SLF2: variants seen among roughly 807,000 people sequenced by gnomAD.
SLF2 encodes SMC5-SMC6 complex localization factor protein 2.
Under a neutral mutation model 124.3 loss-of-function variants are expected in SLF2, and 68 were observed. The ratio of observed to expected loss-of-function variants is 0.55; its 90% CI spans 0.45 to 0.67. SLF2 has a LOEUF of 0.67. SLF2 is among the 30% of genes least tolerant of loss of function. The pLI, the probability that SLF2 is intolerant of heterozygous loss-of-function variation, is 0.00. For missense variants in SLF2, 1,246 were observed against 1,373.7 expected, an observed-to-expected ratio of 0.91 and a Z score of 1.47; for synonymous variants, 480 against 478.8, an observed-to-expected ratio of 1.00 and a Z score of -0.03.
At chr10:100,947,584 A>G (rs1850128344) in intron 14 of SLF2, among the ~76,000 whole-genome samples, 176 bp from the exon 15 acceptor site, 1 of 152,162 alleles carries the variant, frequency 6.6e-6, no homozygotes, top group African/African-American at 2.4e-5. Context: ...TTATGTACAG[A>G]TATTTTACAT....
chr10:100,924,671 C>A lies in SLF2; in HGVS notation c.1670C>A (p.Pro557His). The A allele has an allele frequency of 6.2e-7, 1 of 1,614,144 alleles. No individual in the cohort carries two copies. The highest frequency in any genetic ancestry group is 1.3e-5 in the African/African-American group (1 of 75,056). ...TATGGCACTCCTACAAAGTCTCCCC[C>A]TGCTGCTTTGGAAGTTGTGCCATGT... Reference protein sequence around the residue: ...SEYGTPTKSPPAALEVVPCIP... With the variant: ...SEYGTPTKSPHAALEVVPCIP... Residue 557 changes from proline to histidine, a missense_variant, in exon 5 of 20, where the codon CCT becomes CAT. Pro to His is a moderately conservative substitution (Grantham distance 77, BLOSUM62 -2). Transcript: ENST00000238961.
At chr10:100,953,872 G>A (rs199654175) in intron 17 of SLF2, among the ~76,000 whole-genome samples, 1 of 151,762 alleles carries the variant, frequency 6.6e-6, no homozygotes, top group African/African-American at 2.4e-5. Flanking sequence ...GGCTGGTCTC[G>A]AACTCCTGAC....
At position 100,918,378 on chromosome 10, in the gene SLF2, T is replaced by C; in HGVS notation, c.916-6T>C. The C allele has an allele frequency of 1.9e-6, 3 of 1,581,594 alleles. No homozygotes were observed. Among genetic ancestry groups the C allele is most frequent in the Non-Finnish European group, 2.6e-6 (3 of 1,159,330 alleles). Reference sequence around the variant, plus strand: ...CTTAATTAATTTTATCTCATTGTGCTCATAGGAAAATGGACATCTCTCAAG... The same window carrying C: ...CTTAATTAATTTTATCTCATTGTGCCCATAGGAAAATGGACATCTCTCAAG... On this transcript the variant is annotated splice_polypyrimidine_tract_variant and splice_region_variant and intron_variant, in intron 3 of 19. Coordinates refer to ENST00000238961, the MANE Select transcript of SLF2 (RefSeq NM_018121.4).
intron 17 of SLF2, among the ~76,000 whole-genome samples, chr10:100,955,426 T>C (rs1056295): frequency 0.27 from 40,397 of 151,912 alleles, 6,123 homozygotes; most frequent in East Asian, 0.54. Flanking sequence ...AGCAGTATAA[T>C]ACATTCATAA....
rs1270229625 is a variant in SLF2, at chr10:100,937,457, T to A, written c.2492T>A (p.Met831Lys). 6.3e-7 allele frequency: 1 copy of A among 1,599,968 alleles called. No individual in the cohort carries two copies. Among genetic ancestry groups the A allele is most frequent in the South Asian group, 1.1e-5 (1 of 90,782 alleles). The change falls in exon 10 of 20, where the codon ATG becomes AAG. Residue 831 changes from methionine to lysine, a missense_variant. Physicochemically the swap from Met to Lys is moderately conservative, Grantham distance 95 (BLOSUM62 -1). Transcript: ENST00000238961. Reference protein sequence around the residue: ...IVSVQILSTLMEITIRNDTFS... With the variant: ...IVSVQILSTLKEITIRNDTFS... The stretch of plus-strand genomic sequence containing the variant: ...TCAGTGCAGATTTTAAGTACATTGA[T>A]GGAAATAACAATTAGAAATGGTAAG...
Position 100,945,450 on chromosome 10 carries a change from G to A in SLF2, c.2878G>A (p.Asp960Asn). The A allele has an allele frequency of 6.3e-7, 1 of 1,593,144 alleles. No homozygotes were observed. The highest frequency in any genetic ancestry group is 1.9e-5 in the Admixed American group (1 of 52,278). ...ACAGCTGAAACAGATTCCTTTAGTA[G>A]ACTTTCAAAGCCTCCTGATAAACCT... is the stretch of plus-strand genomic sequence containing the variant. Reference protein sequence around the residue: ...EKQLKQIPLVDFQSLLINLMK... With the variant: ...EKQLKQIPLVNFQSLLINLMK... The change falls in exon 13 of 20, where the codon GAC becomes AAC. Residue 960 changes from aspartate (D) to asparagine (N), a missense_variant. Physicochemically the swap from Asp to Asn is conservative, Grantham distance 23. This residue lies in a region of SLF2 where 535 missense variants were observed against 632.8 expected (regional missense o/e 0.85). Transcript: ENST00000238961.
At position 100,937,491 on chromosome 10, in the gene SLF2, CTTA is replaced by C. The variant is rs1475840665; in HGVS notation, c.2512+18_2512+20del. 3.4e-6 allele frequency: 5 copies of C among 1,455,358 alleles called. No homozygotes were observed. Among genetic ancestry groups the C allele is most frequent in the East Asian group, 2.3e-5 (1 of 44,128 alleles). 90.2% of individuals were successfully genotyped at this position (1,455,358 alleles called of 1,614,324 possible). On this transcript the variant is annotated intron_variant, in intron 10 of 19. Coordinates refer to ENST00000238961, the MANE Select transcript of SLF2 (RefSeq NM_018121.4). ...CAATTAGAAATGGTAAGTATATCAA[CTTA>C]TTAAGATTTACCGTGTGTATTATTG...
At chr10:100,950,967 G>A (rs573157663) in intron 17 of SLF2, among the ~76,000 whole-genome samples, 9 of 152,290 alleles carry the variant, frequency 5.9e-5, no homozygotes, top group South Asian at 2.1e-4. Context: ...TTGGCCAGGC[G>A]CCATGGCTCA....
At position 100,963,132 on chromosome 10, in the gene SLF2, C is replaced by T. The variant is rs1345510999; in HGVS notation, c.*1220C>T. On this transcript the variant is annotated 3_prime_UTR_variant, in exon 20 of 20. Coordinates refer to ENST00000238961, the MANE Select transcript of SLF2 (RefSeq NM_018121.4). ...AGTATTGGCTTGAGTGACCTGTTCT[C>T]CTGAGTGCTCTAGTGTCTCCAGTTG... The T allele has an allele frequency of 1.3e-5, 2 of 152,424 alleles. No homozygotes were observed. Among genetic ancestry groups the T allele is most frequent in the African/African-American group, 4.8e-5 (2 of 41,386 alleles). 9.4% of individuals were successfully genotyped at this position (152,424 alleles called of 1,614,324 possible). A position where few individuals can be genotyped will look rare whatever the true frequency, so the allele number is the denominator to read the frequency against.
At position 100,924,028 on chromosome 10, in the gene SLF2, T is replaced by C; in HGVS notation, c.1027T>C (p.Ser343Pro). The C allele has an allele frequency of 6.3e-7, 1 of 1,584,076 alleles. No individual in the cohort carries two copies. The highest frequency in any genetic ancestry group is 8.5e-7 in the Non-Finnish European group (1 of 1,170,504). The change falls in exon 5 of 20, where the codon TCA (serine) becomes CCA (proline). Residue 343 changes from serine (S) to proline (P), a missense_variant. Physicochemically the swap from Ser to Pro is moderately conservative, Grantham distance 74. This residue lies in a region of SLF2 where 698 missense variants were observed against 708.9 expected (regional missense o/e 0.98). Coordinates refer to ENST00000238961, the MANE Select transcript of SLF2 (RefSeq NM_018121.4). ...PEKRKRNSVDSDLKSTRESMI... is the reference protein window; with the variant it reads ...PEKRKRNSVDPDLKSTRESMI... ...AAAAAGAAAAAGGAACTCTGTGGAC[T>C]CAGATCTGAAAAGCACAAGAGAATC...
chr10:100,916,887 C>A lies in SLF2; in HGVS notation c.502C>A (p.His168Asn). The stretch of plus-strand genomic sequence containing the variant: ...GGAGATGAAGTCACTAAAGAAAAAA[C>A]ATCGATCCCCAGAGAGAAGGAAGTC... ...PKEMKSLKKKHRSPERRKSLF... is the reference protein window; with the variant it reads ...PKEMKSLKKKNRSPERRKSLF... The change falls in exon 3 of 20, where the codon CAT becomes AAT. Residue 168 changes from histidine to asparagine, a missense_variant. By Grantham distance (68) the His-to-Asn change is moderately conservative. This residue lies in a region of SLF2 where 698 missense variants were observed against 708.9 expected (regional missense o/e 0.98). Transcript: ENST00000238961. The A allele has an allele frequency of 6.2e-7, 1 of 1,614,156 alleles. No individual in the cohort carries two copies. Among genetic ancestry groups the A allele is most frequent in the South Asian group, 1.1e-5 (1 of 91,088 alleles).
rs59983480 is a variant in SLF2, at chr10:100,960,998, C to CTTTTTTTT, written c.3487-857_3487-850dup. The stretch of plus-strand genomic sequence containing the variant: ...GTGAGAACTGAGATATTCTGTACTT[C>CTTTTTTTT]TTTTTTTTTTTTTTTTTTTTTTTTT... On this transcript the variant is annotated intron_variant, in intron 19 of 19. Transcript: ENST00000238961. Among the ~76,000 whole-genome samples, 429 of 61,398 alleles carry CTTTTTTTT rather than the reference C, an allele frequency of 7.0e-3. 90 individuals carry two copies. The highest frequency in any genetic ancestry group is 7.3e-3 in the Non-Finnish European group (259 of 35,362). 40.3% of individuals were successfully genotyped at this position (61,398 alleles called of 152,430 possible). A position where few individuals can be genotyped will look rare whatever the true frequency, so the allele number is the denominator to read the frequency against.
chr10:100,916,020 C>G lies in SLF2; in HGVS notation c.162C>G (p.Phe54Leu). 2.5e-6 allele frequency: 4 copies of G among 1,612,004 alleles called. No homozygotes were observed. The highest frequency in any genetic ancestry group is 3.4e-6 in the Non-Finnish European group (4 of 1,178,816). Residue 54 changes from phenylalanine to leucine, a missense_variant, in exon 2 of 20, where the codon TTC (phenylalanine) becomes TTG (leucine). This residue lies in a region of SLF2 where 698 missense variants were observed against 708.9 expected (regional missense o/e 0.98). Coordinates refer to ENST00000238961, the MANE Select transcript of SLF2 (RefSeq NM_018121.4). ...TCAGGAAGCAGTCAATTATAGATTT[C>G]TTCAAACCAGCTTCAAAACAAGGTA... ...PGDRKQSIIDFFKPASKQDRH... is the reference protein window; with the variant it reads ...PGDRKQSIIDLFKPASKQDRH...
intron 4 of SLF2, among the ~76,000 whole-genome samples, chr10:100,921,882 T>C (rs1849528998): frequency 6.6e-6 from 1 of 152,248 alleles, no homozygotes; most frequent in Non-Finnish European, 1.5e-5. Flanking sequence ...CCTGTCCTTT[T>C]TGTAAGACAT....
intron 17 of SLF2, among the ~76,000 whole-genome samples, chr10:100,954,869 C>G (rs1001771125): frequency 4.6e-5 from 7 of 151,990 alleles, no homozygotes; most frequent in South Asian, 2.1e-4. Context: ...TTACTTGAGC[C>G]TATGAGTTCA....
chr10:100,961,452 ATCTC>A (rs1369452186), intron 19 of SLF2, among the ~76,000 whole-genome samples: 2 of 152,202 alleles, frequency 1.3e-5, no homozygotes, highest in South Asian at 2.1e-4. Flanking sequence ...AGATAAAGCA[ATCTC>A]TCTATTTTAA....
Position 100,924,360 on chromosome 10 carries a change from T to C in SLF2, c.1359T>C (p.Ala453=). The change falls in exon 5 of 20, where the codon GCT becomes GCC. Residue 453 remains alanine, a synonymous_variant. Coordinates refer to ENST00000238961, the MANE Select transcript of SLF2 (RefSeq NM_018121.4). Reference sequence around the variant, plus strand: ...AGGAAAAGTCTGCAATTAAAAAAGCTAGCAACCTTCAGAAAAATAAAACCG... The same window carrying C: ...AGGAAAAGTCTGCAATTAAAAAAGCCAGCAACCTTCAGAAAAATAAAACCG... ...LSQEKSAIKK[A]SNLQKNKTAS... 6.2e-7 allele frequency: 1 copy of C among 1,613,862 alleles called. No homozygotes were observed. Among genetic ancestry groups the C allele is most frequent in the Non-Finnish European group, 8.5e-7 (1 of 1,179,976 alleles).
intron 1 of SLF2, chr10:100,913,647 A>T: frequency 9.6e-7 from 1 of 1,039,022 alleles, no homozygotes; most frequent in Non-Finnish European, 1.2e-6. Flanking sequence ...GTTGTGGGTG[A>T]AATTATGTAA....
chr10:100,924,545 C>A lies in SLF2; in HGVS notation c.1544C>A (p.Ser515Tyr). 1 of 1,614,092 alleles carries A rather than the reference C, an allele frequency of 6.2e-7. No homozygotes were observed. The highest frequency in any genetic ancestry group is 8.5e-7 in the Non-Finnish European group (1 of 1,180,026). The change falls in exon 5 of 20, where the codon TCT (serine) becomes TAT (tyrosine). Residue 515 changes from serine to tyrosine, a missense_variant. Physicochemically the swap from Ser to Tyr is moderately radical, Grantham distance 144. Transcript: ENST00000238961. ...TCATCTAAAGAATGTTCTGGGCATT[C>A]TACAGAATCCACCAAACACAAGGAA... ...RSSSKECSGH[S>Y]TESTKHKEHK...
Sources: gnomAD v4.1 joint callset for allele counts (sites outside exome capture counted in the v4.1 genomes callset) on GRCh38, gnomAD v4.1.1 for gene constraint, gnomAD v4.1.1 regional missense constraint, MANE v1.5 for transcripts, NCBI Gene and HGNC (gene_info 2026-07-23, HGNC 2026-07-21) for gene names.